MAL: variants seen among roughly 807,000 people sequenced by gnomAD.
MAL encodes the protein mal, T cell differentiation protein (MAL blood group).
A neutral mutation model predicts 16.7 loss-of-function variants in MAL; 5 were observed. The ratio of observed to expected loss-of-function variants is 0.30; its 90% CI spans 0.16 to 0.63. The LOEUF is 0.63. MAL is among the 30% of genes least tolerant of loss of function. The pLI, the probability that MAL is intolerant of heterozygous loss-of-function variation, is 0.82. For missense variants in MAL, 202 were observed against 195.8 expected (o/e 1.03, Z -0.19); for synonymous variants, 96 against 85.5 (o/e 1.12, Z -0.67).
rs187945498 is a variant in MAL, at chr2:95,046,673, C to T, written c.94-1286C>T. ...AACTGGGGTGTATTCTGGATAACCA[C>T]GGGACTGTACTTTCCTCATGCCCAT... is the stretch of plus-strand genomic sequence containing the variant. On this transcript the variant is annotated intron_variant, in intron 1 of 3. Coordinates refer to ENST00000309988, the MANE Select transcript of MAL (RefSeq NM_002371.4). Among the ~76,000 whole-genome samples the T allele has an allele frequency of 1.5e-4, 23 of 152,032 alleles. No individual in the cohort carries two copies. In the East Asian group the frequency reaches 2.7e-3, roughly 18 times the overall value.
chr2:95,040,374 T>C (rs977653329), intron 1 of MAL, among the ~76,000 whole-genome samples: 4 of 152,038 alleles, frequency 2.6e-5, no homozygotes, highest in Middle Eastern at 3.4e-3. Context: ...GGCACATGCA[T>C]GCACATATAC....
At chr2:95,026,938 C>A (rs1673957173) in intron 1 of MAL, among the ~76,000 whole-genome samples, 1 of 152,116 alleles carries the variant, frequency 6.6e-6, no homozygotes, top group Non-Finnish European at 1.5e-5. Context: ...GGGAGCAGGT[C>A]AGTTCATCCA....
chr2:95,042,715 T>A (rs568648786), intron 1 of MAL, among the ~76,000 whole-genome samples: 1 of 152,266 alleles, frequency 6.6e-6, no homozygotes, highest in Non-Finnish European at 1.5e-5. Flanking sequence ...GTTTTCAAAA[T>A]AATTGCCTCT....
chr2:95,041,186 A>G lies in MAL; in HGVS notation c.94-6773A>G, dbSNP rs75837863. Among the ~76,000 whole-genome samples the G allele has an allele frequency of 1.6e-3, 248 of 152,342 alleles. 10 individuals carry two copies. The East Asian group carries it at 0.047, about 29-fold the overall frequency. On this transcript the variant is annotated intron_variant, in intron 1 of 3. Coordinates refer to ENST00000309988, the MANE Select transcript of MAL (RefSeq NM_002371.4). ...GTGGATGAAGAGTTCTTTCAGCCAC[A>G]GGGAATGGAAACTCCAGACGAATCT...
intron 3 of MAL, among the ~76,000 whole-genome samples, chr2:95,049,969 C>T (rs1274560694): frequency 1.3e-5 from 2 of 152,160 alleles, no homozygotes; most frequent in Non-Finnish European, 2.9e-5. Context: ...TGAGGGGATG[C>T]GGCTGCCCAG....
At chr2:95,033,733 G>A (rs191115114) in intron 1 of MAL, among the ~76,000 whole-genome samples, 75 of 152,178 alleles carry the variant, frequency 4.9e-4, no homozygotes, top group African/African-American at 1.7e-3. Flanking sequence ...AGCTGTGATC[G>A]CATCACTGCC....
In MAL at chr2:95,053,418, A is replaced by G. The variant is rs1272532184; in HGVS notation, c.425A>G (p.His142Arg). ...SYIATLLYVV[H>R]AVFSLIRWKS... ...ATAGCCACTCTGCTCTACGTGGTCC[A>G]TGCGGTGTTCTCTTTAATCAGATGG... is the stretch of plus-strand genomic sequence containing the variant. Residue 142 changes from histidine (H) to arginine (R), a missense_variant, in exon 4 of 4, where the codon CAT becomes CGT. Transcript: ENST00000309988. 2 of 1,613,722 alleles carry G rather than the reference A, an allele frequency of 1.2e-6. No individual in the cohort carries two copies. The highest frequency in any genetic ancestry group is 1.7e-5 in the Admixed American group (1 of 60,014).
In MAL at chr2:95,046,601, G is replaced by T. The variant is rs1373265252; in HGVS notation, c.94-1358G>T. Among the ~76,000 whole-genome samples the T allele has an allele frequency of 3.9e-5, 6 of 152,268 alleles. 1 individual carries two copies. In the East Asian group the frequency reaches 1.2e-3, roughly 29 times the overall value. Reference sequence around the variant, plus strand: ...ACTGAGGGGTGCTACTGGCCCCCATGTCTGCTCCTCTTTGACTGTATGGGG... The same window carrying T: ...ACTGAGGGGTGCTACTGGCCCCCATTTCTGCTCCTCTTTGACTGTATGGGG... On this transcript the variant is annotated intron_variant, in intron 1 of 3. Transcript: ENST00000309988.
rs1458146585 is a variant in MAL, at chr2:95,053,533, A to G, written c.*78A>G. ...ACTTTCCGGCATAACTTTTTAGAAAACAGAAATGCCCTTGATGGTGGAAAA... is the reference window on the plus strand; with the variant it reads ...ACTTTCCGGCATAACTTTTTAGAAAGCAGAAATGCCCTTGATGGTGGAAAA... On this transcript the variant is annotated 3_prime_UTR_variant, in exon 4 of 4. Transcript: ENST00000309988. The G allele has an allele frequency of 7.0e-6, 8 of 1,145,046 alleles. No individual in the cohort carries two copies. The Admixed American group carries it at 1.4e-4, about 20-fold the overall frequency. 70.9% of individuals were successfully genotyped at this position (1,145,046 alleles called of 1,614,324 possible).
At chr2:95,041,293 G>T (rs1490452158) in intron 1 of MAL, among the ~76,000 whole-genome samples, 3 of 152,192 alleles carry the variant, frequency 2.0e-5, no homozygotes, top group Non-Finnish European at 4.4e-5. Flanking sequence ...ATATCTTAGT[G>T]CCCTTTGTGC....
At chr2:95,036,927 G>C (rs1674228872) in intron 1 of MAL, among the ~76,000 whole-genome samples, 2 of 151,026 alleles carry the variant, frequency 1.3e-5, no homozygotes, top group African/African-American at 4.9e-5. Flanking sequence ...CTGAGTGACT[G>C]AGTAGGTGAG....
At chr2:95,038,595 ACT>A (rs1674328376) in intron 1 of MAL, among the ~76,000 whole-genome samples, 1 of 149,966 alleles carries the variant, frequency 6.7e-6, no homozygotes, top group Non-Finnish European at 1.5e-5. Flanking sequence ...TGACTGAGTG[ACT>A]GAGTGGGTGA....
At chr2:95,033,469 T>C (rs1274123682) in intron 1 of MAL, among the ~76,000 whole-genome samples, 1 of 151,676 alleles carries the variant, frequency 6.6e-6, no homozygotes, top group African/African-American at 2.4e-5. Flanking sequence ...AAAGACTAAG[T>C]GGTTATTCGC....
chr2:95,047,685 C>T (rs1674621506), intron 1 of MAL, among the ~76,000 whole-genome samples: 1 of 152,198 alleles, frequency 6.6e-6, no homozygotes, highest in African/African-American at 2.4e-5. Flanking sequence ...CCACTGTACT[C>T]ACGCCTGGGT....
At chr2:95,027,116 C>T (rs1415472194) in intron 1 of MAL, among the ~76,000 whole-genome samples, 6 of 152,082 alleles carry the variant, frequency 3.9e-5, no homozygotes, top group African/African-American at 1.4e-4. Context: ...AAACCCTGGA[C>T]GCCAATGAAC....
intron 1 of MAL, among the ~76,000 whole-genome samples, chr2:95,030,281 A>G (rs1674045670): frequency 6.6e-6 from 1 of 152,212 alleles, no homozygotes; most frequent in Non-Finnish European, 1.5e-5. Flanking sequence ...CTGTGCCCCT[A>G]TTGCAGGTGG....
Position 95,053,567 on chromosome 2 carries a change from A to G in MAL, c.*112A>G. ...CCCTTGATGGTGGAAAAAAGAAAACAACCACCCCCCCACTGCCCAAAAAAA... is the reference window on the plus strand; with the variant it reads ...CCCTTGATGGTGGAAAAAAGAAAACGACCACCCCCCCACTGCCCAAAAAAA... On this transcript the variant is annotated 3_prime_UTR_variant, in exon 4 of 4. Transcript: ENST00000309988. 1 of 823,794 alleles carries G rather than the reference A, an allele frequency of 1.2e-6. No homozygotes were observed. Among genetic ancestry groups the G allele is most frequent in the Non-Finnish European group, 2.0e-6 (1 of 504,876 alleles). 51.0% of individuals were successfully genotyped at this position (823,794 alleles called of 1,614,324 possible).
chr2:95,045,632 G>A (rs1674568865), intron 1 of MAL, among the ~76,000 whole-genome samples: 2 of 152,200 alleles, frequency 1.3e-5, no homozygotes, highest in African/African-American at 4.8e-5. Context: ...TGGTCCTCCT[G>A]GGAGGGTCAC....
In MAL at chr2:95,041,331, C is replaced by T. The variant is rs191128509; in HGVS notation, c.94-6628C>T. ...CCTTGTGCGGGTCAGGCACATTTTT[C>T]TCAACTTTTGGTTTCTGGAGACCAT... is the stretch of plus-strand genomic sequence containing the variant. On this transcript the variant is annotated intron_variant, in intron 1 of 3. Coordinates refer to ENST00000309988, the MANE Select transcript of MAL (RefSeq NM_002371.4). Among the ~76,000 whole-genome samples the T allele has an allele frequency of 4.5e-3, 691 of 152,288 alleles. 3 individuals carry two copies. The highest frequency in any genetic ancestry group is 0.014 in the Middle Eastern group (4 of 294).
Sources: gnomAD v4.1 joint callset for allele counts (sites outside exome capture counted in the v4.1 genomes callset) on GRCh38, gnomAD v4.1.1 for gene constraint, MANE v1.5 for transcripts, NCBI Gene and HGNC (gene_info 2026-07-23, HGNC 2026-07-21) for gene names.